The following STRBP variants were observed in gnomAD, a reference collection of about 807,000 sequenced individuals.
STRBP encodes the protein spermatid perinuclear RNA-binding protein.
A neutral mutation model predicts 80.1 loss-of-function variants in STRBP; 13 were observed. That is an observed-to-expected ratio of 0.16 (90% CI 0.11 to 0.26). STRBP has a LOEUF of 0.26. Ranked by LOEUF, STRBP falls within the 10% of genes least tolerant of loss-of-function variation. STRBP has a pLI of 1.00. For missense variants in STRBP, 485 were observed against 815.2 expected (o/e 0.59, Z 4.93); for synonymous variants, 284 against 291.2 (o/e 0.98, Z 0.25).
chr9:123,149,514 A>T (rs908142658), intron 11 of STRBP, among the ~76,000 whole-genome samples: 2 of 152,196 alleles, frequency 1.3e-5, no homozygotes, highest in African/African-American at 4.8e-5. Flanking sequence ...AGCTACATAG[A>T]GTTCTATGGA....
chr9:123,211,666 T>C (rs193245259), intron 2 of STRBP, among the ~76,000 whole-genome samples: 1 of 152,212 alleles, frequency 6.6e-6, no homozygotes, highest in Non-Finnish European at 1.5e-5. Flanking sequence ...TCTTCCTGAC[T>C]GAAGTATAAT....
intron 1 of STRBP, among the ~76,000 whole-genome samples, chr9:123,252,227 G>A (rs1316192454): frequency 3.9e-5 from 6 of 152,192 alleles, no homozygotes; most frequent in Admixed American, 3.9e-4. Context: ...GCACCGTGAT[G>A]TTGGCTAGGC....
chr9:123,210,408 T>C (rs2039666524), intron 2 of STRBP, among the ~76,000 whole-genome samples: 1 of 146,594 alleles, frequency 6.8e-6, no homozygotes, highest in Admixed American at 6.8e-5. Context: ...AGTCTTTTTA[T>C]ATTCCAAAAG....
intron 11 of STRBP, among the ~76,000 whole-genome samples, chr9:123,155,474 G>A (rs1263605898): frequency 2.6e-5 from 4 of 152,124 alleles, no homozygotes; most frequent in Admixed American, 2.6e-4. Context: ...CAGAAACAGA[G>A]AATCAAGGAA....
chr9:123,132,342 A>C (rs1281105373), intron 17 of STRBP, among the ~76,000 whole-genome samples: 1 of 152,194 alleles, frequency 6.6e-6, no homozygotes, highest in African/African-American at 2.4e-5. Context: ...TAATAGGTAA[A>C]ATTATTTACA....
intron 3 of STRBP, chr9:123,112,181 G>C (rs986280885): frequency 6.0e-6 from 1 of 166,744 alleles, no homozygotes; most frequent in African/African-American, 2.4e-5. Context: ...GTGAAAGGGA[G>C]TCACAGTGCA....
intron 3 of STRBP, chr9:123,114,039 T>G (rs900067823): frequency 1.2e-5 from 2 of 167,074 alleles, no homozygotes; most frequent in African/African-American, 4.8e-5. Context: ...TTTCACCTCT[T>G]TAGAGGTGAG....
chr9:123,138,800 T>C (rs1200098718), intron 14 of STRBP, among the ~76,000 whole-genome samples: 8 of 152,230 alleles, frequency 5.3e-5, no homozygotes, highest in African/African-American at 1.9e-4. Flanking sequence ...AAGGGATTTA[T>C]GGACTGAAAA....
chr9:123,135,943 A>G lies in STRBP; in HGVS notation c.1773+98T>C, dbSNP rs565981979. 15 of 1,498,388 alleles carry G rather than the reference A, an allele frequency of 1.0e-5. No homozygotes were observed. In the East Asian group the frequency reaches 2.5e-4, roughly 25 times the overall value. 92.8% of individuals were successfully genotyped at this position (1,498,388 alleles called of 1,614,324 possible). On this transcript the variant is annotated intron_variant, in intron 16 of 18. Transcript: ENST00000348403. Reference sequence around the variant, plus strand: ...TCACCAAGTCCAAGAAAAGGAAACAACTTCAGAAAAAGCTAAAGTGCCACA... The same window carrying G: ...TCACCAAGTCCAAGAAAAGGAAACAGCTTCAGAAAAAGCTAAAGTGCCACA...
intron 1 of STRBP, among the ~76,000 whole-genome samples, chr9:123,245,140 C>A (rs990289922): frequency 2.0e-5 from 3 of 152,152 alleles, no homozygotes; most frequent in Non-Finnish European, 2.9e-5. Flanking sequence ...TTATTTCCTA[C>A]AACAGCATGT....
chr9:123,202,109 G>A (rs1412178566), intron 2 of STRBP, among the ~76,000 whole-genome samples: 1 of 152,122 alleles, frequency 6.6e-6, no homozygotes, highest in Non-Finnish European at 1.5e-5. Flanking sequence ...TGAGTTTACA[G>A]GACTCCTTCT....
downstream of STRBP, among the ~76,000 whole-genome samples, chr9:123,119,289 T>A (rs546244182): frequency 5.3e-5 from 8 of 152,172 alleles, no homozygotes; most frequent in African/African-American, 1.2e-4. Context: ...AACACCTTTT[T>A]AAAAAATTAT....
chr9:123,154,815 A>T (rs2037210328), intron 11 of STRBP, among the ~76,000 whole-genome samples: 1 of 152,208 alleles, frequency 6.6e-6, no homozygotes, highest in South Asian at 2.1e-4. Context: ...AAATGGAGAA[A>T]AGAGAAAAGG....
chr9:123,216,163 C>G (rs1471952293), intron 2 of STRBP, among the ~76,000 whole-genome samples: 2 of 152,284 alleles, frequency 1.3e-5, no homozygotes, highest in Middle Eastern at 3.4e-3. Context: ...GTACCGCTAC[C>G]CCCTTCCTAA....
intron 2 of STRBP, among the ~76,000 whole-genome samples, chr9:123,192,205 A>G (rs1184613006): frequency 6.6e-6 from 1 of 152,138 alleles, no homozygotes; most frequent in Non-Finnish European, 1.5e-5. Context: ...CTGGATATGG[A>G]CCTAGTGTTC....
intron 1 of STRBP, among the ~76,000 whole-genome samples, chr9:123,251,302 G>A (rs573077545): frequency 6.6e-5 from 10 of 152,166 alleles, no homozygotes; most frequent in South Asian, 2.1e-4. Context: ...TGAGCCCATC[G>A]CAAATGTCAG....
At chr9:123,157,141 A>C (rs1265040567) in intron 11 of STRBP, among the ~76,000 whole-genome samples, 2 of 152,234 alleles carry the variant, frequency 1.3e-5, no homozygotes, top group African/African-American at 4.8e-5. Context: ...TACTGAGCCC[A>C]AAACCTACAT....
intron 3 of STRBP, among the ~76,000 whole-genome samples, chr9:123,182,217 T>TAAA (rs10546358): frequency 8.0e-4 from 56 of 69,790 alleles, no homozygotes; most frequent in African/African-American, 1.6e-3. Flanking sequence ...TCCGTTTCTT[T>TAAA]AAAAAAAAAA....
chr9:123,244,353 A>C (rs1490393219), intron 1 of STRBP, among the ~76,000 whole-genome samples: 1 of 152,216 alleles, frequency 6.6e-6, no homozygotes, highest in Non-Finnish European at 1.5e-5. Context: ...CAGTAAAACT[A>C]TTCTGTATGA....
Sources: allele counts gnomAD v4.1 joint callset (sites outside exome capture counted in the v4.1 genomes callset), GRCh38; gene constraint gnomAD v4.1.1; transcripts MANE v1.5; gene names NCBI Gene and HGNC (gene_info 2026-07-23, HGNC 2026-07-21).